CADM2: variants seen among roughly 807,000 people sequenced by gnomAD.
CADM2 encodes the protein immunoglobulin superfamily member 4D.
Under a neutral mutation model 49.8 loss-of-function variants are expected in CADM2, and 12 were observed. The observed-to-expected ratio is 0.24, with a 90% CI of 0.15 to 0.39. The LOEUF (loss-of-function observed/expected upper bound fraction) is 0.39, where lower values mean the gene tolerates loss of function less well. Ranked by LOEUF, CADM2 falls within the 10% of genes least tolerant of loss-of-function variation. The pLI, the probability that CADM2 is intolerant of heterozygous loss-of-function variation, is 1.00. For synonymous variants in CADM2, 214 were observed against 175.4 expected (o/e 1.22, Z -1.74); for missense variants, 378 against 492.3 (o/e 0.77, Z 2.20).
intron 1 of CADM2, among the ~76,000 whole-genome samples, chr3:84,981,675 C>T (rs999113280): frequency 1.3e-5 from 2 of 152,010 alleles, no homozygotes; most frequent in African/African-American, 4.8e-5. Flanking sequence ...TTTCTTCCTC[C>T]TTCCCTCCCT....
At chr3:86,050,880 C>T (rs1427900372) in intron 8 of CADM2, among the ~76,000 whole-genome samples, 1 of 152,200 alleles carries the variant, frequency 6.6e-6, no homozygotes, top group Non-Finnish European at 1.5e-5. Context: ...CATGGAGGGC[C>T]TGCTGCAAAG....
At chr3:85,200,330 G>C (rs754161369) in intron 1 of CADM2, among the ~76,000 whole-genome samples, 3 of 151,938 alleles carry the variant, frequency 2.0e-5, no homozygotes, top group African/African-American at 7.2e-5. Flanking sequence ...CTGGTAAACC[G>C]TTTCCACTCA....
rs57721920 is a variant in CADM2 at position 85,468,153 on chromosome 3, C to CAAAAAAAA, written c.62-258348_62-258341dup. Reference sequence around the variant, plus strand: ...TGGGCGACAGAGCGAGACTCCGTCTCAAAAAAAAAAAAAAAAAAAAAAAAA... The same window carrying CAAAAAAAA: ...TGGGCGACAGAGCGAGACTCCGTCTCAAAAAAAAAAAAAAAAAAAAAAAAAAAAAAAAA... On this transcript the variant is annotated intron_variant, in intron 1 of 9. Coordinates refer to ENST00000383699, the MANE Select transcript of CADM2 (RefSeq NM_001167675.2). Among the ~76,000 whole-genome samples, 37 of 55,344 alleles carry CAAAAAAAA rather than the reference C, an allele frequency of 6.7e-4. 1 individual carries two copies. Among genetic ancestry groups the CAAAAAAAA allele is most frequent in the African/African-American group, 3.1e-3 (34 of 11,060 alleles). The allele number at this position is 55,344 out of a possible 152,430, so 36.3% of individuals were successfully genotyped here.
chr3:85,949,903 T>G (rs147899792), intron 7 of CADM2, among the ~76,000 whole-genome samples: 47 of 151,176 alleles, frequency 3.1e-4, no homozygotes, highest in Non-Finnish European at 5.8e-4. Flanking sequence ...AAAGTGTCCT[T>G]GAATTGAATG....
At chr3:85,525,838 A>G (rs2061148221) in intron 1 of CADM2, among the ~76,000 whole-genome samples, 1 of 152,056 alleles carries the variant, frequency 6.6e-6, no homozygotes, top group Non-Finnish European at 1.5e-5. Context: ...TTTAAGATGT[A>G]TAGTTTACAT....
chr3:85,814,164 C>T (rs1462711094), intron 3 of CADM2, among the ~76,000 whole-genome samples: 1 of 152,106 alleles, frequency 6.6e-6, no homozygotes, highest in Admixed American at 6.6e-5. Context: ...TTGATTCTTC[C>T]TATCCATGAG....
chr3:85,722,367 A>G (rs1264487520), intron 1 of CADM2, among the ~76,000 whole-genome samples: 1 of 152,184 alleles, frequency 6.6e-6, no homozygotes, highest in Admixed American at 6.5e-5. Context: ...TCTTTAAAAA[A>G]TCTAAGCTCT....
At chr3:85,663,837 T>C (rs531002982) in intron 1 of CADM2, among the ~76,000 whole-genome samples, 5 of 152,160 alleles carry the variant, frequency 3.3e-5, no homozygotes, top group African/African-American at 1.2e-4. Context: ...GAGTGGTTTA[T>C]GCTATCTGTA....
intron 1 of CADM2, among the ~76,000 whole-genome samples, chr3:85,514,832 A>G (rs2060855448): frequency 6.6e-6 from 1 of 152,130 alleles, no homozygotes; most frequent in African/African-American, 2.4e-5. Flanking sequence ...CTATTTCGGT[A>G]AGCAATGATT....
chr3:85,127,421 T>C (rs1575932100), intron 1 of CADM2, among the ~76,000 whole-genome samples: 1 of 152,162 alleles, frequency 6.6e-6, no homozygotes, highest in East Asian at 1.9e-4. Flanking sequence ...AATGTGGGCT[T>C]TCGTAAAGGG....
chr3:85,199,535 A>T (rs1417275732), intron 1 of CADM2, among the ~76,000 whole-genome samples: 1 of 151,766 alleles, frequency 6.6e-6, no homozygotes, highest in Non-Finnish European at 1.5e-5. Context: ...ATAACTTTTC[A>T]TTCACATGTT....
At chr3:85,146,198 T>G (rs998788784) in intron 1 of CADM2, among the ~76,000 whole-genome samples, 2 of 152,160 alleles carry the variant, frequency 1.3e-5, no homozygotes, top group African/African-American at 4.8e-5. Context: ...CAATGGATTT[T>G]TACATTTTAA....
chr3:85,906,825 A>G (rs1415393511), intron 5 of CADM2, among the ~76,000 whole-genome samples: 1 of 152,234 alleles, frequency 6.6e-6, no homozygotes, highest in African/African-American at 2.4e-5. Flanking sequence ...TTGAACATTA[A>G]AGAAAAGTGT....
chr3:85,452,467 T>C (rs187077447), intron 1 of CADM2, among the ~76,000 whole-genome samples: 1 of 152,278 alleles, frequency 6.6e-6, no homozygotes, highest in African/African-American at 2.4e-5. Context: ...TAGTACTGGC[T>C]CTGTGTTTTG....
At chr3:86,021,082 CT>C (rs1559806075) in intron 8 of CADM2, among the ~76,000 whole-genome samples, 1 of 152,074 alleles carries the variant, frequency 6.6e-6, no homozygotes, top group African/African-American at 2.4e-5. Flanking sequence ...TCACTGCAAC[CT>C]CCGCCTCCCA....
intron 1 of CADM2, among the ~76,000 whole-genome samples, chr3:85,446,314 T>A (rs1451381572): frequency 6.6e-6 from 1 of 152,124 alleles, no homozygotes; most frequent in Non-Finnish European, 1.5e-5. Context: ...AGTTATATAT[T>A]CAGCAAAGTC....
intron 1 of CADM2, among the ~76,000 whole-genome samples, chr3:85,593,696 T>A (rs1282921331): frequency 6.6e-6 from 1 of 152,060 alleles, no homozygotes; most frequent in East Asian, 1.9e-4. Context: ...TTAAATACAT[T>A]TGAGCATTTG....
At chr3:85,082,436 A>C (rs1280624843) in intron 1 of CADM2, among the ~76,000 whole-genome samples, 3 of 152,168 alleles carry the variant, frequency 2.0e-5, no homozygotes, top group Non-Finnish European at 4.4e-5. Flanking sequence ...ACTCTTTATG[A>C]AGGACAAAGT....
intron 1 of CADM2, among the ~76,000 whole-genome samples, chr3:85,151,115 T>TAAGAAAGAACAA (rs2039909046): frequency 1.3e-5 from 2 of 151,984 alleles, no homozygotes; most frequent in African/African-American, 4.8e-5. Flanking sequence ...TGGGTATGGG[T>TAAGAAAGAACAA]AAGAAATTCT....
Sources: gnomAD v4.1 joint callset for allele counts (sites outside exome capture counted in the v4.1 genomes callset) on GRCh38, gnomAD v4.1.1 for gene constraint, MANE v1.5 for transcripts, NCBI Gene and HGNC (gene_info 2026-07-23, HGNC 2026-07-21) for gene names.